CCSER1: variants seen among roughly 807,000 people sequenced by gnomAD.
The protein encoded by CCSER1 is serine-rich coiled-coil domain-containing protein 1.
In CCSER1, 41 loss-of-function variants were observed where a neutral mutation model predicts 82.0. The observed-to-expected ratio is 0.50, with a 90% confidence interval of 0.39 to 0.65. The LOEUF (loss-of-function observed/expected upper bound fraction) is 0.65, where lower values mean the gene tolerates loss of function less well. Ranked by LOEUF, CCSER1 falls within the 30% of genes least tolerant of loss-of-function variation. The pLI is 0.00. For missense variants in CCSER1, 1,119 were observed against 1,064.2 expected (o/e 1.05, Z -0.72); for synonymous variants, 414 against 383.9 (o/e 1.08, Z -0.92).
chr4:90,703,950 A>G (rs180766107), intron 6 of CCSER1, among the ~76,000 whole-genome samples: 98 of 152,242 alleles, frequency 6.4e-4, no homozygotes, highest in African/African-American at 1.9e-3. Flanking sequence ...GTGTCTTTCA[A>G]TTGGAGCATT....
intron 6 of CCSER1, among the ~76,000 whole-genome samples, chr4:90,651,614 C>A (rs528824732): frequency 6.6e-6 from 1 of 151,934 alleles, no homozygotes; most frequent in African/African-American, 2.4e-5. Context: ...GTGCAACAAA[C>A]CACCATGGCA....
chr4:90,442,083 C>T (rs13133327), intron 4 of CCSER1, among the ~76,000 whole-genome samples: 182 of 152,122 alleles, frequency 1.2e-3, no homozygotes, highest in Non-Finnish European at 2.3e-3. Context: ...AGAAGAACAG[C>T]AGTTTTTTTT....
At chr4:90,712,785 G>T (rs1740879190) in intron 6 of CCSER1, among the ~76,000 whole-genome samples, 1 of 151,692 alleles carries the variant, frequency 6.6e-6, no homozygotes, top group East Asian at 1.9e-4. Flanking sequence ...CTTTTTGTAG[G>T]TCTCTAGGAA....
intron 4 of CCSER1, among the ~76,000 whole-genome samples, chr4:90,435,099 A>T (rs1758819829): frequency 6.6e-6 from 1 of 152,182 alleles, no homozygotes; most frequent in Non-Finnish European, 1.5e-5. Context: ...AACACATTAA[A>T]AACAAGCAAA....
intron 10 of CCSER1, among the ~76,000 whole-genome samples, chr4:91,483,087 G>T (rs1189233614): frequency 6.8e-6 from 1 of 147,762 alleles, no homozygotes; most frequent in Non-Finnish European, 1.5e-5. Context: ...AGAACTTAAA[G>T]TATAATAATA....
At chr4:90,674,807 G>T (rs1232228008) in intron 6 of CCSER1, among the ~76,000 whole-genome samples, 1 of 151,626 alleles carries the variant, frequency 6.6e-6, no homozygotes, top group East Asian at 1.9e-4. Context: ...AGTGGTACTG[G>T]TTTTTATAAG....
chr4:90,801,497 A>G (rs13138129), intron 7 of CCSER1, among the ~76,000 whole-genome samples: 105,116 of 151,976 alleles, frequency 0.69, 36,506 homozygotes, highest in African/African-American at 0.74. Context: ...ATTCATTGTC[A>G]AAAAGATTAT....
At position 90,180,120 on chromosome 4, in the gene CCSER1, TTATATA is replaced by T. The variant is rs59586682; in HGVS notation, c.-42+52306_-42+52311del. ...TTTGATGTATGTATTGCTTATGTAG[TTATATA>T]TATATATATATATATAAATTATATT... is the stretch of plus-strand genomic sequence containing the variant. On this transcript the variant is annotated intron_variant, in intron 1 of 10. Coordinates refer to ENST00000509176, the MANE Select transcript of CCSER1 (RefSeq NM_001145065.2). Among the ~76,000 whole-genome samples the T allele has an allele frequency of 3.7e-3, 521 of 140,280 alleles. 12 individuals are homozygous for T. In the East Asian group the frequency reaches 0.041, roughly 11 times the overall value. 92.0% of individuals were successfully genotyped at this position (140,280 alleles called of 152,430 possible). A position where few individuals can be genotyped will look rare whatever the true frequency, so the allele number is the denominator to read the frequency against.
intron 5 of CCSER1, among the ~76,000 whole-genome samples, chr4:90,539,955 C>G (rs7694205): frequency 0.39 from 59,143 of 151,812 alleles, 13,897 homozygotes; most frequent in African/African-American, 0.67. Context: ...AGAGACCCTT[C>G]TATTCTAAGA....
At chr4:91,010,116 G>T (rs1328117343) in intron 9 of CCSER1, among the ~76,000 whole-genome samples, 1 of 152,094 alleles carries the variant, frequency 6.6e-6, no homozygotes, top group Non-Finnish European at 1.5e-5. Context: ...TTGCTTGTCT[G>T]GGAGAAAGAC....
chr4:90,875,725 T>G (rs897378959), intron 8 of CCSER1, among the ~76,000 whole-genome samples: 1 of 152,202 alleles, frequency 6.6e-6, no homozygotes, highest in Non-Finnish European at 1.5e-5. Context: ...TGATGCATTA[T>G]GCCACAAATG....
intron 10 of CCSER1, among the ~76,000 whole-genome samples, chr4:91,404,772 A>C (rs564035969): frequency 1.3e-5 from 2 of 152,208 alleles, no homozygotes; most frequent in South Asian, 2.1e-4. Flanking sequence ...GTTTGTTATA[A>C]TTTCTGTTCT....
chr4:90,296,895 G>C (rs1704226653), intron 1 of CCSER1, among the ~76,000 whole-genome samples: 2 of 152,274 alleles, frequency 1.3e-5, no homozygotes, highest in Middle Eastern at 3.4e-3. Context: ...GGTTACTGTA[G>C]CCTTGTAGTA....
At chr4:90,512,191 A>G (rs949292964) in intron 5 of CCSER1, among the ~76,000 whole-genome samples, 1 of 151,912 alleles carries the variant, frequency 6.6e-6, no homozygotes, top group Admixed American at 6.6e-5. Flanking sequence ...TGGAGATGCA[A>G]TATAGGCTTT....
chr4:91,210,486 A>G (rs967591012), intron 10 of CCSER1, among the ~76,000 whole-genome samples: 4 of 151,660 alleles, frequency 2.6e-5, no homozygotes, highest in African/African-American at 9.7e-5. Context: ...AACTGACACA[A>G]TTGGAAGTGA....
intron 8 of CCSER1, among the ~76,000 whole-genome samples, chr4:90,879,524 G>T (rs1350119495): frequency 6.9e-6 from 1 of 144,662 alleles, no homozygotes. Flanking sequence ...AAGAGGAAGA[G>T]GAAGAGGAAG....
chr4:91,190,745 G>A (rs1334994369), intron 10 of CCSER1, among the ~76,000 whole-genome samples: 5 of 152,022 alleles, frequency 3.3e-5, no homozygotes, highest in East Asian at 1.9e-4. Context: ...ATTGTCTTAC[G>A]GTTTCAAAAT....
chr4:90,722,382 T>C (rs1561015677), intron 6 of CCSER1, among the ~76,000 whole-genome samples: 1 of 151,880 alleles, frequency 6.6e-6, no homozygotes, highest in African/African-American at 2.4e-5. Flanking sequence ...TCTGTGTTTT[T>C]CAGCATAAAG....
At chr4:91,184,268 G>A (rs1310095924) in intron 10 of CCSER1, among the ~76,000 whole-genome samples, 1 of 152,228 alleles carries the variant, frequency 6.6e-6, no homozygotes, top group Admixed American at 6.5e-5. Flanking sequence ...ATGCCCTGTG[G>A]CAACACTTTC....
Sources: allele counts gnomAD v4.1 joint callset (sites outside exome capture counted in the v4.1 genomes callset), GRCh38; gene constraint gnomAD v4.1.1; transcripts MANE v1.5; gene names NCBI Gene and HGNC (gene_info 2026-07-23, HGNC 2026-07-21).